The following ACOT7 variants were observed in gnomAD, a reference collection of about 807,000 sequenced individuals.
ACOT7 encodes the protein acyl-CoA thioesterase 7, also known as cytosolic acyl coenzyme A thioester hydrolase.
ACOT7 carries 12 observed loss-of-function variants against 40.2 expected under a neutral mutation model. That is an observed-to-expected ratio of 0.30 (90% CI 0.19 to 0.48). The LOEUF (loss-of-function observed/expected upper bound fraction) is 0.48. Among genes scored for constraint, ACOT7 ranks in the 20% least tolerant of loss-of-function variants. The pLI is 0.99. For missense variants in ACOT7, 395 were observed against 530.8 expected, an observed-to-expected ratio of 0.74 and a Z score of 2.51; for synonymous variants, 228 against 219.5, an observed-to-expected ratio of 1.04 and a Z score of -0.34.
At chr1:6,346,283 G>A (rs1282098196) in intron 2 of ACOT7, among the ~76,000 whole-genome samples, 3 of 152,210 alleles carry the variant, frequency 2.0e-5, no homozygotes, top group Non-Finnish European at 4.4e-5. Context: ...TGTAGTTTTT[G>A]TAGAGACAAA....
At chr1:6,365,384 T>C (rs753594072) in intron 1 of ACOT7, among the ~76,000 whole-genome samples, 1 of 152,204 alleles carries the variant, frequency 6.6e-6, no homozygotes, top group Non-Finnish European at 1.5e-5. Context: ...ATGATTTTTT[T>C]GGTTTCCCAG....
At chr1:6,281,732 G>A (rs74049523) in intron 7 of ACOT7, among the ~76,000 whole-genome samples, 10,410 of 152,216 alleles carry the variant, frequency 0.068, 601 homozygotes, top group African/African-American at 0.15. Flanking sequence ...GGTGCCCACC[G>A]GAGCCACAGC....
chr1:6,284,576 C>CAAAAAAAAA (rs561943319), intron 7 of ACOT7, among the ~76,000 whole-genome samples: 2 of 57,980 alleles, frequency 3.4e-5, no homozygotes, highest in East Asian at 5.8e-4. Context: ...AACTCCATCT[C>CAAAAAAAAA]AAAAAAAAAA....
chr1:6,325,901 A>G (rs533682500), intron 5 of ACOT7, among the ~76,000 whole-genome samples: 4 of 152,358 alleles, frequency 2.6e-5, no homozygotes, highest in Non-Finnish European at 4.4e-5. Flanking sequence ...GGCTAGGAGC[A>G]GGTGGACCCC....
At chr1:6,389,774 CAAAA>C (rs33955440) in intron 1 of ACOT7, among the ~76,000 whole-genome samples, 3 of 91,058 alleles carry the variant, frequency 3.3e-5, no homozygotes, top group Middle Eastern at 7.2e-3. Flanking sequence ...GACTCCCTCT[CAAAA>C]AAAAAAAAAA....
In ACOT7 at chr1:6,316,335, G is replaced by A. The variant is rs565830787; in HGVS notation, c.712+2157C>T. On this transcript the variant is annotated intron_variant, in intron 6 of 8. Transcript: ENST00000361521. Reference sequence around the variant, plus strand: ...GCCTCTGAGGCAACAGCTGTTCTGCGGGCAGCAAGACACTCAGATTGTCAT... The same window carrying A: ...GCCTCTGAGGCAACAGCTGTTCTGCAGGCAGCAAGACACTCAGATTGTCAT... Among the ~76,000 whole-genome samples, 8 of 152,278 alleles carry A rather than the reference G, an allele frequency of 5.3e-5. No individual in the cohort carries two copies. In the East Asian group the frequency reaches 1.2e-3, roughly 22 times the overall value.
chr1:6,268,144 A>G (rs1377071940), intron 8 of ACOT7, among the ~76,000 whole-genome samples: 1 of 152,202 alleles, frequency 6.6e-6, no homozygotes, highest in African/African-American at 2.4e-5. Flanking sequence ...AAGGTTTTGA[A>G]ATAGACTGTG....
In ACOT7 at chr1:6,294,529, G is replaced by GCT. The variant is rs1639759564; in HGVS notation, c.829+333_829+334dup. Among the ~76,000 whole-genome samples, 1 of 152,228 alleles carries GCT rather than the reference G, an allele frequency of 6.6e-6. No homozygotes were observed. The highest frequency in any genetic ancestry group is 2.1e-4 in the South Asian group (1 of 4,832). On this transcript the variant is annotated intron_variant, in intron 7 of 8. Coordinates refer to ENST00000361521, the MANE Select transcript of ACOT7 (RefSeq NM_007274.4). This position sits in a 1 kb window ranked among gnomAD's most constrained non-coding sequence, Gnocchi z 4.6. ...TAATTCCGCTCCCAAAATGAAATGT[G>GCT]CTGCCATGAGGTTTGGTGTCCAGGG...
intron 1 of ACOT7, among the ~76,000 whole-genome samples, chr1:6,369,969 G>A (rs569025751): frequency 6.6e-5 from 10 of 152,290 alleles, no homozygotes; most frequent in Middle Eastern, 3.4e-3. Flanking sequence ...CTATGGTTTG[G>A]ATATGAGGAT....
At chr1:6,340,146 T>C (rs1641232750) in intron 2 of ACOT7, among the ~76,000 whole-genome samples, 1 of 152,096 alleles carries the variant, frequency 6.6e-6, no homozygotes, top group South Asian at 2.1e-4. Flanking sequence ...TTTTGTATTT[T>C]TAGTAGAGAC....
intron 4 of ACOT7, among the ~76,000 whole-genome samples, chr1:6,329,647 C>T (rs914634253): frequency 1.3e-5 from 2 of 152,086 alleles, no homozygotes; most frequent in Non-Finnish European, 2.9e-5. Context: ...GCTGCCTTTC[C>T]ATCTGGGAAC....
At position 6,307,695 on chromosome 1, in the gene ACOT7, A is replaced by AGAGGGAACCACAACAGGCG. The variant is rs1435113684; in HGVS notation, c.712+10778_712+10796dup. ...ACAGGAGGAGGGGACAGCAACAGAC[A>AGAGGGAACCACAACAGGCG]GAGGGAACCACAACAGGCGGAGGGA... On this transcript the variant is annotated intron_variant, in intron 6 of 8. Transcript: ENST00000361521. Among the ~76,000 whole-genome samples the AGAGGGAACCACAACAGGCG allele has an allele frequency of 2.0e-5, 3 of 151,902 alleles. No individual in the cohort carries two copies. In the South Asian group the frequency reaches 6.2e-4, roughly 32 times the overall value.
chr1:6,346,080 C>G (rs1252850650), intron 2 of ACOT7, among the ~76,000 whole-genome samples: 1 of 152,046 alleles, frequency 6.6e-6, no homozygotes, highest in East Asian at 1.9e-4. Context: ...GGAGCCAGGC[C>G]ATCAGGGGCA....
chr1:6,365,018 C>T (rs1641972108), intron 1 of ACOT7, among the ~76,000 whole-genome samples: 1 of 147,328 alleles, frequency 6.8e-6, no homozygotes, highest in South Asian at 2.1e-4. Context: ...AGTGAGACTC[C>T]GTCTCAAAAA....
At chr1:6,269,466 G>A (rs909697495) in intron 8 of ACOT7, among the ~76,000 whole-genome samples, 2 of 152,212 alleles carry the variant, frequency 1.3e-5, no homozygotes, top group South Asian at 2.1e-4. Flanking sequence ...CACCCCAGCG[G>A]CCACCAGGCC....
chr1:6,291,159 C>T (rs1428075285), intron 7 of ACOT7, among the ~76,000 whole-genome samples: 2 of 152,192 alleles, frequency 1.3e-5, no homozygotes, highest in Non-Finnish European at 2.9e-5. Context: ...AATGATACAT[C>T]TACTCACAAC....
chr1:6,329,054 G>A (rs1360929253), intron 4 of ACOT7, among the ~76,000 whole-genome samples: 1 of 152,266 alleles, frequency 6.6e-6, no homozygotes, highest in Non-Finnish European at 1.5e-5. Context: ...ACGGAACTCA[G>A]GGCCCCTCTG....
rs537520917 is a variant in ACOT7 at position 6,323,423 on chromosome 1, A to C, written c.625+3876T>G. On this transcript the variant is annotated intron_variant, in intron 5 of 8. Coordinates refer to ENST00000361521, the MANE Select transcript of ACOT7 (RefSeq NM_007274.4). ...AACAGATGAGGTCTAGTCCCTGACCAGGTCTGCCTTCTGGCCAGGTATGGT... is the reference window on the plus strand; with the variant it reads ...AACAGATGAGGTCTAGTCCCTGACCCGGTCTGCCTTCTGGCCAGGTATGGT... 2.6e-5 allele frequency among the ~76,000 whole-genome samples: 4 copies of C among 152,214 alleles called. No homozygotes were observed. The South Asian group carries it at 8.3e-4, about 32-fold the overall frequency.
Position 6,282,541 on chromosome 1 carries a change from T to C in ACOT7, c.830-1255A>G, listed in dbSNP as rs12732146. On this transcript the variant is annotated intron_variant, in intron 7 of 8. Transcript: ENST00000361521. The surrounding 1 kb of genome is among the most constrained non-coding windows in gnomAD (Gnocchi z 4.5). Reference sequence around the variant, plus strand: ...GCTTCGGGGACTTTTTAATGTGGCCTCTGGAACCCCCAGTGTCCTAGCTGC... The same window carrying C: ...GCTTCGGGGACTTTTTAATGTGGCCCCTGGAACCCCCAGTGTCCTAGCTGC... Among the ~76,000 whole-genome samples the C allele has an allele frequency of 6.6e-6, 1 of 152,136 alleles. No individual in the cohort carries two copies. Among genetic ancestry groups the C allele is most frequent in the Non-Finnish European group, 1.5e-5 (1 of 68,026 alleles).
Sources: allele counts gnomAD v4.1 joint callset (sites outside exome capture counted in the v4.1 genomes callset), GRCh38; gene constraint gnomAD v4.1.1; non-coding constraint Gnocchi (gnomAD v3.1); transcripts MANE v1.5; gene names NCBI Gene and HGNC (gene_info 2026-07-23, HGNC 2026-07-21).